Variants in DNAJC24 observed in about 807,000 individuals in gnomAD.
The protein encoded by DNAJC24 is DnaJ heat shock protein family (Hsp40) member C24.
A neutral mutation model predicts 18.0 loss-of-function variants in DNAJC24; 17 were observed. The ratio of observed to expected loss-of-function variants is 0.94; its 90% CI spans 0.65 to 1.42. The LOEUF (loss-of-function observed/expected upper bound fraction) is 1.42, where lower values mean the gene tolerates loss of function less well. Among genes scored for constraint, DNAJC24 ranks in the 40% most tolerant of loss-of-function variants. The pLI, the probability that DNAJC24 is intolerant of heterozygous loss-of-function variation, is 0.00. For synonymous variants in DNAJC24, 55 were observed against 57.7 expected (o/e 0.95, Z 0.21); for missense variants, 158 against 175.6 (o/e 0.90, Z 0.57).
intron 2 of DNAJC24, among the ~76,000 whole-genome samples, chr11:31,388,170 T>G (rs572699093): frequency 6.6e-6 from 1 of 151,244 alleles, no homozygotes; most frequent in African/African-American, 2.4e-5. Flanking sequence ...AAAGTGGAGG[T>G]AGAGAGAGAG....
intron 2 of DNAJC24, chr11:31,396,390 T>C (rs934514348): frequency 1.2e-5 from 5 of 417,340 alleles, no homozygotes; most frequent in Non-Finnish European, 2.4e-5. Flanking sequence ...CAGGGGACTT[T>C]GGAGGTCGGT....
intron 2 of DNAJC24, among the ~76,000 whole-genome samples, chr11:31,405,215 A>T (rs542472387): frequency 6.6e-6 from 1 of 151,424 alleles, no homozygotes; most frequent in Admixed American, 6.6e-5. Flanking sequence ...GATTACAGGC[A>T]CGTGCCACCA....
At chr11:31,395,813 A>G (rs1163390589) in intron 2 of DNAJC24, among the ~76,000 whole-genome samples, 2 of 152,176 alleles carry the variant, frequency 1.3e-5, no homozygotes, top group Non-Finnish European at 2.9e-5. Flanking sequence ...TTTTTCAAAC[A>G]AGGAAATTTT....
intron 4 of DNAJC24, 24 bp from the exon 5 acceptor site, chr11:31,430,247 A>T: frequency 7.5e-6 from 12 of 1,594,558 alleles, no homozygotes; most frequent in Non-Finnish European, 1.0e-5. Flanking sequence ...AGTCTTTGAA[A>T]GATTATTTTG....
intron 2 of DNAJC24, among the ~76,000 whole-genome samples, chr11:31,395,187 T>G (rs1407815167): frequency 1.3e-5 from 2 of 152,206 alleles, no homozygotes; most frequent in Admixed American, 6.5e-5. Flanking sequence ...CCATCTCCAT[T>G]CATGTTGCTG....
intron 2 of DNAJC24, among the ~76,000 whole-genome samples, chr11:31,372,137 T>A (rs1327624307): frequency 2.0e-5 from 3 of 152,060 alleles, no homozygotes; most frequent in African/African-American, 4.8e-5. Context: ...CTTTTTTTTT[T>A]AAATGAATTG....
At chr11:31,391,810 A>C (rs1952499098) in intron 2 of DNAJC24, among the ~76,000 whole-genome samples, 1 of 152,206 alleles carries the variant, frequency 6.6e-6, no homozygotes, top group Non-Finnish European at 1.5e-5. Context: ...TCCCATGTTT[A>C]TGACCCCACT....
chr11:31,402,694 G>A (rs116004153), intron 2 of DNAJC24, among the ~76,000 whole-genome samples: 1 of 152,076 alleles, frequency 6.6e-6, no homozygotes, highest in Non-Finnish European at 1.5e-5. Flanking sequence ...TTATTTTGTA[G>A]AGATGAGCTC....
chr11:31,382,552 T>C (rs1208008164), intron 2 of DNAJC24, among the ~76,000 whole-genome samples: 1 of 152,222 alleles, frequency 6.6e-6, no homozygotes, highest in African/African-American at 2.4e-5. Context: ...GGGAAAATTA[T>C]ATTTTGGATG....
intron 4 of DNAJC24, chr11:31,426,590 AG>A (rs756952399): frequency 2.2e-5 from 8 of 361,698 alleles, no homozygotes; most frequent in Non-Finnish European, 2.9e-5. Flanking sequence ...ATTAGATGTT[AG>A]GAACATAAAG....
At chr11:31,409,846 T>C (rs556672202) in intron 2 of DNAJC24, among the ~76,000 whole-genome samples, 1 of 152,198 alleles carries the variant, frequency 6.6e-6, no homozygotes, top group Non-Finnish European at 1.5e-5. Context: ...TTATTTCATA[T>C]CTTATCAACA....
At position 31,430,384 on chromosome 11, in the gene DNAJC24, C is replaced by A. The variant is rs745700489; in HGVS notation, c.433C>A (p.Leu145Ile). 1.2e-6 allele frequency: 2 copies of A among 1,602,278 alleles called. No individual in the cohort carries two copies. Among genetic ancestry groups the A allele is most frequent in the East Asian group, 2.2e-5 (1 of 44,524 alleles). Residue 145 changes from leucine (L) to isoleucine (I), a missense_variant, in exon 5 of 5, where the codon CTC (leucine) becomes ATC (isoleucine). Transcript: ENST00000465995. ...SCDTCSLIIELLHYN is the reference protein window; with the variant it reads ...SCDTCSLIIEILHYN ...TGATACATGTTCACTAATTATAGAA[C>A]TCCTTCATTATAACTAAAATTGTTC...
At chr11:31,371,599 T>A (rs1219649477) in intron 2 of DNAJC24, among the ~76,000 whole-genome samples, 2 of 152,162 alleles carry the variant, frequency 1.3e-5, no homozygotes, top group East Asian at 3.8e-4. Flanking sequence ...AAACAGTTTT[T>A]ATGTGGATTA....
chr11:31,408,179 T>C (rs1392040704), intron 2 of DNAJC24: 9 of 456,180 alleles, frequency 2.0e-5, no homozygotes, highest in Non-Finnish European at 4.0e-5. Context: ...AGGAAAATTT[T>C]TGTGAAGCAC....
intron 2 of DNAJC24, among the ~76,000 whole-genome samples, chr11:31,404,089 G>A (rs1194622782): frequency 6.6e-6 from 1 of 152,210 alleles, no homozygotes; most frequent in Non-Finnish European, 1.5e-5. Context: ...GTATAGCAGT[G>A]AGGATCACCA....
At chr11:31,392,078 A>G (rs1403628900) in intron 2 of DNAJC24, among the ~76,000 whole-genome samples, 3 of 152,196 alleles carry the variant, frequency 2.0e-5, no homozygotes, top group African/African-American at 7.2e-5. Flanking sequence ...AGAGAATAGT[A>G]TAATGGTTAC....
At chr11:31,423,755 A>G (rs549482789) in intron 3 of DNAJC24, among the ~76,000 whole-genome samples, 1 of 152,318 alleles carries the variant, frequency 6.6e-6, no homozygotes, top group South Asian at 2.1e-4. Context: ...GTACTGAATA[A>G]TCAGGTCAAC....
chr11:31,415,632 G>T (rs961996146), intron 3 of DNAJC24: 5 of 152,214 alleles, frequency 3.3e-5, no homozygotes, highest in Non-Finnish European at 7.3e-5. Flanking sequence ...AGGGACAGGA[G>T]TCCCTCAGCC....
chr11:31,418,937 C>T (rs1345957769), intron 3 of DNAJC24, among the ~76,000 whole-genome samples: 1 of 151,948 alleles, frequency 6.6e-6, no homozygotes, highest in Non-Finnish European at 1.5e-5. Context: ...AGGAACATAC[C>T]TTAAAACCCC....
Sources: allele counts gnomAD v4.1 joint callset (sites outside exome capture counted in the v4.1 genomes callset), GRCh38; gene constraint gnomAD v4.1.1; transcripts MANE v1.5; gene names NCBI Gene and HGNC (gene_info 2026-07-23, HGNC 2026-07-21).